Variants in AUTS2 observed in about 807,000 individuals in gnomAD.
The protein encoded by AUTS2 is activator of transcription and developmental regulator AUTS2.
A neutral mutation model predicts 112.4 loss-of-function variants in AUTS2; 17 were observed. The observed-to-expected ratio is 0.15, with a 90% CI of 0.10 to 0.23. AUTS2 has a LOEUF of 0.23. AUTS2 is among the 10% of genes least tolerant of loss of function. The pLI, the probability that AUTS2 is intolerant of heterozygous loss-of-function variation, is 1.00. For synonymous variants in AUTS2, 751 were observed against 702.7 expected (o/e 1.07, Z -1.09); for missense variants, 1,510 against 1,701.6 (o/e 0.89, Z 1.98).
At chr7:70,087,732 T>C (rs1166717533) in intron 2 of AUTS2, among the ~76,000 whole-genome samples, 2 of 152,208 alleles carry the variant, frequency 1.3e-5, no homozygotes, top group Non-Finnish European at 2.9e-5. Flanking sequence ...CATTATAGAA[T>C]ATATTGGGAA....
At chr7:70,789,536 C>T (rs1272933298) in intron 18 of AUTS2, among the ~76,000 whole-genome samples, 1 of 152,048 alleles carries the variant, frequency 6.6e-6, no homozygotes, top group Non-Finnish European at 1.5e-5. Context: ...ATCCCTGGTC[C>T]ATCTCCCCCA....
chr7:70,644,485 C>G (rs1007160664), intron 5 of AUTS2, among the ~76,000 whole-genome samples: 5 of 152,184 alleles, frequency 3.3e-5, no homozygotes, highest in African/African-American at 9.7e-5. Context: ...ATTCTGCGCT[C>G]TCCACGAACT....
chr7:70,537,583 T>A (rs555155367), intron 5 of AUTS2, among the ~76,000 whole-genome samples: 1 of 152,334 alleles, frequency 6.6e-6, no homozygotes, highest in East Asian at 1.9e-4. Context: ...TGATGCACAT[T>A]GTGCCCCTGT....
intron 2 of AUTS2, among the ~76,000 whole-genome samples, chr7:69,934,003 A>G (rs909496378): frequency 1.3e-5 from 2 of 152,204 alleles, no homozygotes; most frequent in East Asian, 1.9e-4. Flanking sequence ...CTGTTCTCGA[A>G]TTTTTATGTA....
chr7:70,352,284 G>A (rs1014416460), intron 4 of AUTS2, among the ~76,000 whole-genome samples: 11 of 152,266 alleles, frequency 7.2e-5, no homozygotes, highest in Admixed American at 4.6e-4. Flanking sequence ...TTTGTTTGCT[G>A]TCTCTGAAAA....
chr7:69,949,126 G>C (rs1263332244), intron 2 of AUTS2, among the ~76,000 whole-genome samples: 1 of 152,070 alleles, frequency 6.6e-6, no homozygotes, highest in Non-Finnish European at 1.5e-5. Context: ...ATTTTTATTA[G>C]TCACCTAGCC....
chr7:70,411,659 T>C (rs1012244279), intron 4 of AUTS2, among the ~76,000 whole-genome samples: 3 of 152,138 alleles, frequency 2.0e-5, no homozygotes, highest in African/African-American at 7.2e-5. Context: ...ATATAGATAC[T>C]ACATATAATT....
At chr7:70,190,212 G>A (rs535376174) in intron 4 of AUTS2, among the ~76,000 whole-genome samples, 4 of 152,278 alleles carry the variant, frequency 2.6e-5, no homozygotes, top group African/African-American at 4.8e-5. Flanking sequence ...CAAGGATACA[G>A]CAGTAAGTGT....
At chr7:69,890,494 A>G (rs1309842706) in intron 1 of AUTS2, among the ~76,000 whole-genome samples, 2 of 152,130 alleles carry the variant, frequency 1.3e-5, no homozygotes, top group Non-Finnish European at 2.9e-5. Context: ...TACATTAAGT[A>G]TGTTTTAATA....
intron 1 of AUTS2, among the ~76,000 whole-genome samples, chr7:69,618,676 A>G (rs1021351783): frequency 1.3e-5 from 2 of 152,232 alleles, no homozygotes; most frequent in South Asian, 2.1e-4. Flanking sequence ...ATGCATATGT[A>G]GATATGTGTA....
intron 1 of AUTS2, among the ~76,000 whole-genome samples, chr7:69,745,563 A>G (rs1052688230): frequency 6.6e-6 from 1 of 152,216 alleles, no homozygotes; most frequent in Non-Finnish European, 1.5e-5. Flanking sequence ...GTTTACAGAC[A>G]TGATCTCCTT....
At chr7:69,849,333 A>G (rs1035995982) in intron 1 of AUTS2, among the ~76,000 whole-genome samples, 3 of 152,186 alleles carry the variant, frequency 2.0e-5, no homozygotes, top group African/African-American at 7.2e-5. Context: ...GATTTATAGG[A>G]GGTTGCCAAA....
chr7:69,976,400 A>C (rs1246274523), intron 2 of AUTS2, among the ~76,000 whole-genome samples: 1 of 152,174 alleles, frequency 6.6e-6, no homozygotes, highest in Non-Finnish European at 1.5e-5. Context: ...CCATTCATCC[A>C]TTGGACATTT....
intron 2 of AUTS2, among the ~76,000 whole-genome samples, chr7:69,963,380 A>G (rs1273245989): frequency 6.6e-6 from 1 of 152,120 alleles, no homozygotes; most frequent in Non-Finnish European, 1.5e-5. Flanking sequence ...TCACCACTTA[A>G]CACCTTCCAA....
At chr7:69,968,779 T>A (rs1797730393) in intron 2 of AUTS2, among the ~76,000 whole-genome samples, 1 of 152,186 alleles carries the variant, frequency 6.6e-6, no homozygotes, top group Non-Finnish European at 1.5e-5. Flanking sequence ...ATAAGCACAT[T>A]AAATATGCCT....
intron 4 of AUTS2, among the ~76,000 whole-genome samples, chr7:70,413,563 T>C (rs952298574): frequency 6.6e-6 from 1 of 152,244 alleles, no homozygotes; most frequent in African/African-American, 2.4e-5. Context: ...TCCTGAGAGA[T>C]GACATAGAAG....
intron 6 of AUTS2, among the ~76,000 whole-genome samples, chr7:70,710,034 A>G (rs932900111): frequency 6.6e-6 from 1 of 152,180 alleles, no homozygotes; most frequent in African/African-American, 2.4e-5. Context: ...CTCCAGAATA[A>G]GAGTAACAAT....
intron 5 of AUTS2, among the ~76,000 whole-genome samples, chr7:70,509,618 T>A (rs1799103756): frequency 6.6e-6 from 1 of 152,186 alleles, no homozygotes; most frequent in African/African-American, 2.4e-5. Context: ...GCATAGCTCA[T>A]TGATGAATGA....
intron 5 of AUTS2, among the ~76,000 whole-genome samples, chr7:70,511,590 T>TA (rs1799197092): frequency 8.1e-6 from 1 of 123,340 alleles, no homozygotes; most frequent in Non-Finnish European, 1.7e-5. Context: ...TTTTTTTTTT[T>TA]ATTGAGACAG....
Sources: gnomAD v4.1 joint callset for allele counts (sites outside exome capture counted in the v4.1 genomes callset) on GRCh38, gnomAD v4.1.1 for gene constraint, MANE v1.5 for transcripts, NCBI Gene and HGNC (gene_info 2026-07-23, HGNC 2026-07-21) for gene names.